The following GRIP2 variants were observed in gnomAD, a reference collection of about 807,000 sequenced individuals.
GRIP2 encodes glutamate receptor interacting protein 2.
In GRIP2, 58 loss-of-function variants were observed where a neutral mutation model predicts 108.3. That is an observed-to-expected ratio of 0.54 (90% CI 0.43 to 0.67). The LOEUF (loss-of-function observed/expected upper bound fraction) is 0.67. Ranked by LOEUF, GRIP2 falls within the 30% of genes least tolerant of loss-of-function variation. The pLI is 0.00. For synonymous variants in GRIP2, 586 were observed against 598.2 expected (o/e 0.98, Z 0.30); for missense variants, 1,278 against 1,430.6 (o/e 0.89, Z 1.72).
At chr3:14,581,101 C>G in the GRIP2 span, among the ~76,000 whole-genome samples, 1 of 152,154 alleles carries the variant, frequency 6.6e-6, no homozygotes, top group African/African-American at 2.4e-5. Flanking sequence ...AGATGATAGA[C>G]AGATGGATGG....
intron 21 of GRIP2, among the ~76,000 whole-genome samples, chr3:14,497,739 C>T (rs946080427): frequency 5.9e-5 from 9 of 152,116 alleles, no homozygotes; most frequent in Non-Finnish European, 1.0e-4. Flanking sequence ...GGGAGGAGAT[C>T]TGTTAGGGGT....
At chr3:14,555,611 GGA>G (rs994243580) in intron 1 of GRIP2, among the ~76,000 whole-genome samples, 12 of 151,816 alleles carry the variant, frequency 7.9e-5, no homozygotes, top group African/African-American at 2.9e-4. Context: ...AGGAGAGAGA[GGA>G]GAGAGAGACA....
the GRIP2 span, among the ~76,000 whole-genome samples, chr3:14,581,754 A>G: frequency 6.6e-6 from 1 of 152,210 alleles, no homozygotes; most frequent in Non-Finnish European, 1.5e-5. Flanking sequence ...TGATGCCAAT[A>G]TGAGCATTGA....
chr3:14,517,484 A>ATCTC (rs201973585), intron 10 of GRIP2, among the ~76,000 whole-genome samples: 1 of 114,858 alleles, frequency 8.7e-6, no homozygotes. Flanking sequence ...AGGCCACCTA[A>ATCTC]TCTCTCTCTC....
At position 14,506,874 on chromosome 3, in the gene GRIP2, C is replaced by T. The variant is rs747621378; in HGVS notation, c.2325G>A (p.Pro775=). 52 of 1,606,044 alleles carry T rather than the reference C, an allele frequency of 3.2e-5. No homozygotes were observed. In the Middle Eastern group the frequency reaches 4.9e-4, roughly 15 times the overall value. Residue 775 remains proline (P), a synonymous_variant, in exon 19 of 24, where the codon CCG becomes CCA. Transcript: ENST00000621039. ...CAGCACTGTCCACACTGGGCACAGC[C>T]GGCGAGAAGCGGGCTGCTGGCAGGC... is the stretch of plus-strand genomic sequence containing the variant. ...KGGLPAARFS[P]AVPSVDSAVE... is the part of the protein sequence containing the mutation.
In GRIP2 at chr3:14,516,297, A is replaced by G. The variant is rs553500074; in HGVS notation, c.1306+767T>C. On this transcript the variant is annotated intron_variant, in intron 11 of 23. Coordinates refer to ENST00000621039, the MANE Select transcript of GRIP2 (RefSeq NM_001080423.4). ...TTTTTTCAGACACCAGGTGACCTGT[A>G]CTCCTCTCTTCTTTCACCTGGTTCT... 2.6e-5 allele frequency among the ~76,000 whole-genome samples: 4 copies of G among 151,810 alleles called. No homozygotes were observed. The South Asian group carries it at 8.4e-4, about 32-fold the overall frequency.
At chr3:14,602,791 G>A in the GRIP2 span, among the ~76,000 whole-genome samples, 2 of 151,812 alleles carry the variant, frequency 1.3e-5, no homozygotes, top group African/African-American at 2.4e-5. This position sits in a 1 kb window ranked among gnomAD's most constrained non-coding sequence, Gnocchi z 4.7. Flanking sequence ...TCGGGTGCCG[G>A]CGCCTGTCTT....
At chr3:14,600,597 T>C in the GRIP2 span, among the ~76,000 whole-genome samples, 2 of 152,164 alleles carry the variant, frequency 1.3e-5, no homozygotes, top group African/African-American at 4.8e-5. Context: ...GCCAGGTGGA[T>C]GGCCCTGTCC....
At chr3:14,495,282 G>A (rs939458382) in intron 22 of GRIP2, among the ~76,000 whole-genome samples, 27 of 152,292 alleles carry the variant, frequency 1.8e-4, no homozygotes, top group African/African-American at 6.5e-4. Flanking sequence ...AGGAGGCCTG[G>A]CCAGGGCACT....
chr3:14,562,190 G>C, the GRIP2 span, among the ~76,000 whole-genome samples: 1 of 152,200 alleles, frequency 6.6e-6, no homozygotes, highest in African/African-American at 2.4e-5. Flanking sequence ...AAATTCCTTT[G>C]CCCAGCAAAA....
At chr3:14,553,842 T>A (rs1695191445) in intron 1 of GRIP2, among the ~76,000 whole-genome samples, 1 of 152,200 alleles carries the variant, frequency 6.6e-6, no homozygotes. Context: ...GCTCACTTAA[T>A]GGGCAAAGCA....
intron 1 of GRIP2, among the ~76,000 whole-genome samples, chr3:14,553,962 C>A (rs1357994120): frequency 6.6e-6 from 1 of 152,146 alleles, no homozygotes; most frequent in Non-Finnish European, 1.5e-5. Flanking sequence ...TTGAGCCCTC[C>A]TTTTTCCTTT....
chr3:14,550,788 A>C (rs1695134415), intron 1 of GRIP2, among the ~76,000 whole-genome samples: 1 of 152,074 alleles, frequency 6.6e-6, no homozygotes, highest in South Asian at 2.1e-4. Context: ...CTTCCTCAAC[A>C]AACCCACTCT....
intron 21 of GRIP2, among the ~76,000 whole-genome samples, chr3:14,502,168 A>G (rs1693784243): frequency 6.6e-6 from 1 of 152,188 alleles, no homozygotes; most frequent in Non-Finnish European, 1.5e-5. Context: ...CAATAGAGAC[A>G]CATTAGAAAC....
the GRIP2 span, among the ~76,000 whole-genome samples, chr3:14,601,066 T>TCACACACA: frequency 6.7e-6 from 1 of 148,918 alleles, no homozygotes. Context: ...TCTCTCTCTC[T>TCACACACA]CACACACACA....
chr3:14,507,772 G>A lies in GRIP2; in HGVS notation c.2079-72C>T. Reference sequence around the variant, plus strand: ...CCTCAGAGTGGCAGTCTGCCCTCAGGGAATCCAGGAGAGCCACAAAGCAGA... The same window carrying A: ...CCTCAGAGTGGCAGTCTGCCCTCAGAGAATCCAGGAGAGCCACAAAGCAGA... On this transcript the variant is annotated intron_variant, in intron 17 of 23. Coordinates refer to ENST00000621039, the MANE Select transcript of GRIP2 (RefSeq NM_001080423.4). This position sits in a 1 kb window ranked among gnomAD's most constrained non-coding sequence, Gnocchi z 4.6. The A allele has an allele frequency of 6.4e-7, 1 of 1,550,562 alleles. No individual in the cohort carries two copies.
the GRIP2 span, among the ~76,000 whole-genome samples, chr3:14,594,016 C>T: frequency 6.6e-6 from 1 of 152,246 alleles, no homozygotes; most frequent in Admixed American, 6.5e-5. Context: ...AAGCCTTTCA[C>T]TGCAGTTGCT....
intron 21 of GRIP2, among the ~76,000 whole-genome samples, chr3:14,499,238 A>G (rs1396890859): frequency 6.6e-6 from 1 of 152,248 alleles, no homozygotes; most frequent in Non-Finnish European, 1.5e-5. Flanking sequence ...CAAAGGCCAC[A>G]GCCAAGACAA....
chr3:14,558,358 G>A (rs146728729), upstream of GRIP2, among the ~76,000 whole-genome samples: 516 of 152,324 alleles, frequency 3.4e-3, 2 homozygotes, highest in Non-Finnish European at 5.4e-3. Flanking sequence ...AGCCCAGGGA[G>A]GGCAGGCTGC....
Sources: allele counts gnomAD v4.1 joint callset (sites outside exome capture counted in the v4.1 genomes callset), GRCh38; gene constraint gnomAD v4.1.1; non-coding constraint Gnocchi (gnomAD v3.1); transcripts MANE v1.5; gene names NCBI Gene and HGNC (gene_info 2026-07-23, HGNC 2026-07-21).